CDH12: variants seen among roughly 807,000 people sequenced by gnomAD.
CDH12 encodes cadherin 12, also known as cadherin-12.
A neutral mutation model predicts 74.1 loss-of-function variants in CDH12; 41 were observed. The observed-to-expected ratio is 0.55, with a 90% CI of 0.43 to 0.72. The LOEUF (loss-of-function observed/expected upper bound fraction) is 0.72, where lower values mean the gene tolerates loss of function less well. Among genes scored for constraint, CDH12 ranks in the 30% least tolerant of loss-of-function variants. CDH12 has a pLI of 0.00. For synonymous variants in CDH12, 399 were observed against 355.0 expected (o/e 1.12, Z -1.39); for missense variants, 945 against 977.2 (o/e 0.97, Z 0.44).
intron 6 of CDH12, among the ~76,000 whole-genome samples, chr5:21,922,884 AGTT>A (rs1754415118): frequency 6.6e-6 from 1 of 151,950 alleles, no homozygotes; most frequent in Non-Finnish European, 1.5e-5. Flanking sequence ...CCTCTTTTTA[AGTT>A]GAATCAGGCT....
intron 3 of CDH12, among the ~76,000 whole-genome samples, chr5:22,303,296 A>G (rs1209321976): frequency 6.6e-6 from 1 of 152,138 alleles, no homozygotes; most frequent in Non-Finnish European, 1.5e-5. Context: ...TAAAAAGTCC[A>G]TTCAATAAAA....
At chr5:22,823,477 T>A (rs1749835166) in intron 1 of CDH12, among the ~76,000 whole-genome samples, 1 of 152,098 alleles carries the variant, frequency 6.6e-6, no homozygotes, top group Non-Finnish European at 1.5e-5. Context: ...CCATCATGAT[T>A]GTGAGGCCTC....
Position 22,183,751 on chromosome 5 carries a change from C to T in CDH12, c.-187+28747G>A, listed in dbSNP as rs145865496. On this transcript the variant is annotated intron_variant, in intron 4 of 14. Transcript: ENST00000382254. The stretch of plus-strand genomic sequence containing the variant: ...TACCCACAGGACACAAGAAATCTTA[C>T]GAGCTAAACAGAATTGACTGAAAGT... 4.5e-3 allele frequency among the ~76,000 whole-genome samples: 685 copies of T among 152,082 alleles called. 38 individuals carry two copies. In the East Asian group the frequency reaches 0.13, roughly 28 times the overall value.
intron 5 of CDH12, among the ~76,000 whole-genome samples, chr5:22,021,436 A>T (rs1737966942): frequency 6.6e-6 from 1 of 152,186 alleles, no homozygotes; most frequent in Non-Finnish European, 1.5e-5. Flanking sequence ...GACCTAGGGA[A>T]AGTACCGAGG....
chr5:22,315,542 ATG>A (rs1293636787), intron 3 of CDH12, among the ~76,000 whole-genome samples: 1 of 152,192 alleles, frequency 6.6e-6, no homozygotes, highest in Non-Finnish European at 1.5e-5. Flanking sequence ...GAAAAGTCCT[ATG>A]TGTGCTTGTG....
chr5:22,615,986 G>A (rs879739041), intron 1 of CDH12, among the ~76,000 whole-genome samples: 3 of 152,120 alleles, frequency 2.0e-5, no homozygotes, highest in Non-Finnish European at 4.4e-5. Flanking sequence ...AAGGCTTTAA[G>A]AAAGATAGAT....
rs565070458 is a variant in CDH12, at chr5:22,394,449, G to A, written c.-333+10808C>T. 1.5e-3 allele frequency among the ~76,000 whole-genome samples: 223 copies of A among 152,262 alleles called. 1 individual carries two copies. Among genetic ancestry groups the A allele is most frequent in the African/African-American group, 5.3e-3 (221 of 41,556 alleles). On this transcript the variant is annotated intron_variant, in intron 3 of 14. Coordinates refer to ENST00000382254, the MANE Select transcript of CDH12 (RefSeq NM_004061.5). ...TAGAGCTACTCAGCTGTAAATGTGT[G>A]TGAACCTTCAAGGAAAAGGAAGAAT...
intron 1 of CDH12, among the ~76,000 whole-genome samples, chr5:22,523,968 A>C (rs1474358671): frequency 7.1e-6 from 1 of 141,482 alleles, no homozygotes; most frequent in East Asian, 2.0e-4. Context: ...TGCTTCATTC[A>C]TTTATTATTA....
chr5:22,116,371 C>A (rs1266239618), intron 4 of CDH12, among the ~76,000 whole-genome samples: 1 of 152,076 alleles, frequency 6.6e-6, no homozygotes, highest in Non-Finnish European at 1.5e-5. Flanking sequence ...AGAATCTGGC[C>A]GAGACGGGCG....
chr5:22,182,614 G>A (rs1391666187), intron 4 of CDH12, among the ~76,000 whole-genome samples: 1 of 152,150 alleles, frequency 6.6e-6, no homozygotes, highest in Non-Finnish European at 1.5e-5. Context: ...ATGGAGTGCA[G>A]GTGTTCTAAA....
chr5:21,882,568 C>A (rs1752411960), intron 6 of CDH12: 1 of 1,477,780 alleles, frequency 6.8e-7, no homozygotes, highest in Non-Finnish European at 9.5e-7. Flanking sequence ...CGCGCATGCC[C>A]TGCAGCCGCC....
intron 1 of CDH12, among the ~76,000 whole-genome samples, chr5:22,786,170 T>G (rs373896039): frequency 2.6e-5 from 4 of 152,084 alleles, no homozygotes; most frequent in African/African-American, 9.7e-5. Context: ...TGCAAGAACA[T>G]GGATGGAGCT....
At chr5:22,068,464 GACAGA>G (rs1225335251) in intron 5 of CDH12, among the ~76,000 whole-genome samples, 1 of 152,172 alleles carries the variant, frequency 6.6e-6, no homozygotes, top group Non-Finnish European at 1.5e-5. Flanking sequence ...CCTCTCAGTG[GACAGA>G]ACTTTTAGCA....
chr5:22,392,495 G>T (rs996772608), intron 3 of CDH12, among the ~76,000 whole-genome samples: 84 of 152,160 alleles, frequency 5.5e-4, no homozygotes, highest in African/African-American at 2.0e-3. Context: ...AGTTTTTGAG[G>T]GTTAAATTAA....
intron 1 of CDH12, among the ~76,000 whole-genome samples, chr5:22,652,032 G>T (rs1437115943): frequency 1.3e-5 from 2 of 152,038 alleles, no homozygotes; most frequent in Non-Finnish European, 2.9e-5. Context: ...TAAAACGTAG[G>T]TTCAGAATAA....
At chr5:22,252,129 G>C (rs558853892) in intron 3 of CDH12, among the ~76,000 whole-genome samples, 9 of 151,912 alleles carry the variant, frequency 5.9e-5, no homozygotes, top group Non-Finnish European at 1.2e-4. Context: ...CTCAATTGCT[G>C]TATAATGTCA....
chr5:21,845,578 A>T (rs1196679513), intron 7 of CDH12, among the ~76,000 whole-genome samples: 1 of 144,694 alleles, frequency 6.9e-6, no homozygotes, highest in African/African-American at 2.6e-5. Context: ...TTTTTCATGA[A>T]GCCTTTTCTG....
chr5:22,736,156 A>T (rs1744708571), intron 1 of CDH12, among the ~76,000 whole-genome samples: 1 of 151,864 alleles, frequency 6.6e-6, no homozygotes, highest in African/African-American at 2.4e-5. Flanking sequence ...GTCATTTTGT[A>T]TGCAAGAATA....
chr5:22,488,035 T>A (rs2126635522), intron 2 of CDH12, among the ~76,000 whole-genome samples: 1 of 152,334 alleles, frequency 6.6e-6, no homozygotes, highest in East Asian at 1.9e-4. Context: ...AAAGCAGAAG[T>A]CATGTAATAT....
Sources: allele counts gnomAD v4.1 joint callset (sites outside exome capture counted in the v4.1 genomes callset), GRCh38; gene constraint gnomAD v4.1.1; transcripts MANE v1.5; gene names NCBI Gene and HGNC (gene_info 2026-07-23, HGNC 2026-07-21).